The following SLC5A4 variants were observed in gnomAD, a reference collection of about 807,000 sequenced individuals.
SLC5A4 encodes the protein solute carrier family 5 member 4, also known as probable glucose sensor protein SLC5A4.
Under a neutral mutation model 70.3 loss-of-function variants are expected in SLC5A4, and 55 were observed. That is an observed-to-expected ratio of 0.78 (90% CI 0.63 to 0.98). The LOEUF is 0.98. Ranked by LOEUF, SLC5A4 falls within the 50% of genes least tolerant of loss-of-function variation. The pLI is 0.00. For missense variants in SLC5A4, 735 were observed against 839.2 expected (o/e 0.88, Z 1.53); for synonymous variants, 268 against 305.7 (o/e 0.88, Z 1.29).
chr22:32,292,030 G>A, the SLC5A4 span, among the ~76,000 whole-genome samples: 67,588 of 139,528 alleles, frequency 0.48, 16,593 homozygotes, highest in Admixed American at 0.52. Context: ...GCACCACTAC[G>A]CCCGGCTATT....
intron 13 of SLC5A4, among the ~76,000 whole-genome samples, 164 bp downstream of exon 13, chr22:32,224,103 G>A (rs1372790743): frequency 3.3e-5 from 5 of 152,102 alleles, no homozygotes; most frequent in Non-Finnish European, 7.4e-5. Context: ...TGTATTTTTA[G>A]TAGAGACAAG....
At chr22:32,289,113 TC>T in the SLC5A4 span, among the ~76,000 whole-genome samples, 4 of 152,266 alleles carry the variant, frequency 2.6e-5, no homozygotes, top group African/African-American at 7.2e-5. Flanking sequence ...TTTGTGGCTA[TC>T]TAGTGTCTCT....
chr22:32,333,206 C>CCCCCCA, the SLC5A4 span, among the ~76,000 whole-genome samples: 2 of 150,386 alleles, frequency 1.3e-5, no homozygotes, highest in Non-Finnish European at 1.5e-5. Flanking sequence ...ACCCCCCCCC[C>CCCCCCA]AGAAGACTCA....
the SLC5A4 span, among the ~76,000 whole-genome samples, chr22:32,354,324 A>G: frequency 6.3e-4 from 95 of 150,088 alleles, 1 homozygote; most frequent in Non-Finnish European, 2.2e-4. Flanking sequence ...AGCACCCTGT[A>G]ATGAGCCTAA....
the SLC5A4 span, among the ~76,000 whole-genome samples, chr22:32,316,555 A>AGT: frequency 1.3e-5 from 2 of 152,032 alleles, no homozygotes; most frequent in African/African-American, 2.4e-5. Context: ...TTAAAGACAG[A>AGT]GTCTCACTCT....
the SLC5A4 span, among the ~76,000 whole-genome samples, chr22:32,345,317 C>A: frequency 3.3e-5 from 5 of 152,020 alleles, no homozygotes; most frequent in Non-Finnish European, 7.4e-5. Context: ...CGTGTTTTTG[C>A]CTGTGAGAAA....
At chr22:32,278,164 A>G in the SLC5A4 span, among the ~76,000 whole-genome samples, 2 of 152,348 alleles carry the variant, frequency 1.3e-5, no homozygotes, top group Admixed American at 1.3e-4. Flanking sequence ...AACTATGACA[A>G]CTAAGTTTCC....
At chr22:32,321,617 C>G in the SLC5A4 span, among the ~76,000 whole-genome samples, 1 of 152,210 alleles carries the variant, frequency 6.6e-6, no homozygotes, top group African/African-American at 2.4e-5. Flanking sequence ...CCCCCTCCTC[C>G]CACCTTCCGC....
chr22:32,220,431 T>G (rs1323151819), intron 14 of SLC5A4, among the ~76,000 whole-genome samples: 1 of 152,210 alleles, frequency 6.6e-6, no homozygotes, highest in African/African-American at 2.4e-5. Flanking sequence ...GGAGAAATTT[T>G]CATGAAGGAA....
the SLC5A4 span, among the ~76,000 whole-genome samples, chr22:32,348,516 C>T: frequency 3.3e-5 from 5 of 152,102 alleles, no homozygotes; most frequent in African/African-American, 4.8e-5. Flanking sequence ...AAAAGGGTCC[C>T]GATCCAGACC....
At chr22:32,280,277 A>G in the SLC5A4 span, among the ~76,000 whole-genome samples, 1 of 151,932 alleles carries the variant, frequency 6.6e-6, no homozygotes, top group African/African-American at 2.4e-5. Context: ...TCAACCTCCC[A>G]AAGTGTTGGG....
At chr22:32,263,277 G>A in the SLC5A4 span, among the ~76,000 whole-genome samples, 2 of 152,158 alleles carry the variant, frequency 1.3e-5, no homozygotes, top group African/African-American at 4.8e-5. Flanking sequence ...GCGATTACAG[G>A]CATGAGCCAC....
the SLC5A4 span, among the ~76,000 whole-genome samples, chr22:32,280,352 G>A: frequency 1.3e-5 from 2 of 152,082 alleles, no homozygotes; most frequent in South Asian, 2.1e-4. Flanking sequence ...CTCTTCCCCA[G>A]TGAGAATGTC....
the SLC5A4 span, among the ~76,000 whole-genome samples, chr22:32,303,877 A>C: frequency 6.6e-6 from 1 of 152,158 alleles, no homozygotes; most frequent in Non-Finnish European, 1.5e-5. Flanking sequence ...GAAACTGCCA[A>C]ACTGTCTTCC....
At chr22:32,324,363 T>C in the SLC5A4 span, among the ~76,000 whole-genome samples, 1 of 152,066 alleles carries the variant, frequency 6.6e-6, no homozygotes. Context: ...AAAAACATTC[T>C]ACTTACAGTT....
the SLC5A4 span, among the ~76,000 whole-genome samples, chr22:32,295,382 T>C: frequency 4.3e-4 from 47 of 110,200 alleles, 11 homozygotes; most frequent in Non-Finnish European, 7.5e-4. Context: ...TGGTATCTCA[T>C]TGTGGTTTTG....
At chr22:32,325,432 C>T in the SLC5A4 span, among the ~76,000 whole-genome samples, 8 of 152,172 alleles carry the variant, frequency 5.3e-5, no homozygotes, top group East Asian at 3.9e-4. Flanking sequence ...TTTGTTGGGA[C>T]GACAGGTCAC....
In SLC5A4 at chr22:32,218,473, T is replaced by C; in HGVS notation, c.*41A>G. The C allele has an allele frequency of 1.0e-6, 1 of 1,000,068 alleles. No individual in the cohort carries two copies. The highest frequency in any genetic ancestry group is 1.5e-6 in the Non-Finnish European group (1 of 675,292). The allele number at this position is 1,000,068 out of a possible 1,614,324, so 61.9% of individuals were successfully genotyped here. On this transcript the variant is annotated 3_prime_UTR_variant, in exon 15 of 15. Coordinates refer to ENST00000266086, the MANE Select transcript of SLC5A4 (RefSeq NM_014227.3). ...ATCACTAAAATTATCCTTTGGTTCA[T>C]TATTAAGAATTATTCATTATTCTAA...
chr22:32,328,728 TA>T, the SLC5A4 span, among the ~76,000 whole-genome samples: 1 of 152,244 alleles, frequency 6.6e-6, no homozygotes, highest in African/African-American at 2.4e-5. Flanking sequence ...CAGAAAGAGT[TA>T]AACGCTTGTT....
Sources: allele counts gnomAD v4.1 joint callset (sites outside exome capture counted in the v4.1 genomes callset), GRCh38; gene constraint gnomAD v4.1.1; transcripts MANE v1.5; gene names NCBI Gene and HGNC (gene_info 2026-07-23, HGNC 2026-07-21).